MYO9B: variants seen among roughly 807,000 people sequenced by gnomAD.
MYO9B encodes unconventional myosin-IXb.
MYO9B carries 71 observed loss-of-function variants against 229.5 expected under a neutral mutation model. That is an observed-to-expected ratio of 0.31 (90% confidence interval 0.26 to 0.38). The LOEUF (loss-of-function observed/expected upper bound fraction) is 0.38. Among genes scored for constraint, MYO9B ranks in the 10% least tolerant of loss-of-function variants. The probability of loss-of-function intolerance (pLI) is 1.00; values close to 1 mark genes in which losing one functional copy is unlikely to be tolerated. For missense variants in MYO9B, 2,255 were observed against 2,920.5 expected (o/e 0.77, Z 5.25); for synonymous variants, 1,185 against 1,235.8 (o/e 0.96, Z 0.86).
At chr19:17,125,296 A>T (rs1244126852) in intron 2 of MYO9B, among the ~76,000 whole-genome samples, 1 of 42,536 alleles carries the variant, frequency 2.4e-5, no homozygotes, top group African/African-American at 1.2e-4. Context: ...GTAAAACCCC[A>T]TCCCCCCCCC....
At chr19:17,137,611 A>G (rs1310569521) in intron 2 of MYO9B, among the ~76,000 whole-genome samples, 1 of 151,998 alleles carries the variant, frequency 6.6e-6, no homozygotes, top group East Asian at 1.9e-4. Flanking sequence ...CATGACCCAA[A>G]CAGCCAGCTC....
chr19:17,137,404 A>AAACAAT (rs1555696818), intron 2 of MYO9B, among the ~76,000 whole-genome samples: 1 of 151,906 alleles, frequency 6.6e-6, no homozygotes, highest in East Asian at 1.9e-4. Context: ...TCCCTGTCTC[A>AAACAAT]AACAACAACA....
At chr19:17,137,099 G>C (rs1472918057) in intron 2 of MYO9B, among the ~76,000 whole-genome samples, 1 of 151,926 alleles carries the variant, frequency 6.6e-6, no homozygotes, top group Non-Finnish European at 1.5e-5. Flanking sequence ...GTGATGGCGC[G>C]TGCCTATAAT....
intron 18 of MYO9B, 34 bp downstream of exon 18, chr19:17,186,035 C>G: frequency 6.3e-7 from 1 of 1,588,798 alleles, no homozygotes; most frequent in South Asian, 1.1e-5. Context: ...GAGGAGAAGG[C>G]CCATGCCGGA....
chr19:17,108,186 T>C (rs1263621700), intron 2 of MYO9B, among the ~76,000 whole-genome samples: 1 of 152,336 alleles, frequency 6.6e-6, no homozygotes, highest in South Asian at 2.1e-4. Flanking sequence ...GCCAACCTGC[T>C]TGGGGCCTCA....
At chr19:17,152,214 TACC>T (rs1244867824) in intron 3 of MYO9B, among the ~76,000 whole-genome samples, 1 of 140,752 alleles carries the variant, frequency 7.1e-6, no homozygotes, top group Non-Finnish European at 1.5e-5. Flanking sequence ...CACAAGGACA[TACC>T]ACTGCTCACC....
intron 2 of MYO9B, among the ~76,000 whole-genome samples, chr19:17,129,444 C>A (rs1204370619): frequency 2.0e-5 from 3 of 152,140 alleles, no homozygotes; most frequent in Admixed American, 1.3e-4. Flanking sequence ...ATCAAGGCTC[C>A]GGGAAGTGAG....
At chr19:17,183,574 C>T (rs150852735) in intron 15 of MYO9B, among the ~76,000 whole-genome samples, 39 of 152,330 alleles carry the variant, frequency 2.6e-4, no homozygotes, top group African/African-American at 9.1e-4. Context: ...ACACTTTACT[C>T]AGCTTTGGGG....
At chr19:17,106,396 G>A (rs141805945) in intron 2 of MYO9B, among the ~76,000 whole-genome samples, 280 of 152,304 alleles carry the variant, frequency 1.8e-3, no homozygotes, top group African/African-American at 6.2e-3. Context: ...TTCTCCCCAG[G>A]TAGAACTCGG....
chr19:17,207,773 G>A (rs2073178805), intron 35 of MYO9B: 1 of 152,332 alleles, frequency 6.6e-6, no homozygotes, highest in African/African-American at 2.4e-5. Context: ...CACTTTGGGA[G>A]ACCGAGACGG....
chr19:17,200,856 G>A, intron 26 of MYO9B, 27 bp downstream of exon 26: 1 of 1,607,254 alleles, frequency 6.2e-7, no homozygotes, highest in Non-Finnish European at 8.5e-7. Flanking sequence ...AGGGCCAGGG[G>A]CATGAGGCCC....
At chr19:17,113,258 G>A (rs1397622614) in intron 2 of MYO9B, among the ~76,000 whole-genome samples, 1 of 152,168 alleles carries the variant, frequency 6.6e-6, no homozygotes, top group African/African-American at 2.4e-5. Flanking sequence ...CAGCAAGCTT[G>A]GGCTCAGGAG....
chr19:17,207,309 C>G, intron 35 of MYO9B, 65 bp downstream of exon 35: 1 of 1,541,948 alleles, frequency 6.5e-7, no homozygotes, highest in Non-Finnish European at 8.8e-7. Context: ...CACGACAGCT[C>G]CATCCATCCC....
intron 33 of MYO9B, 143 bp downstream of exon 33, chr19:17,206,519 C>A: frequency 2.2e-6 from 3 of 1,382,630 alleles, no homozygotes; most frequent in Non-Finnish European, 2.9e-6. Context: ...CAAACCGGGT[C>A]CCCAGTTTGG....
intron 2 of MYO9B, among the ~76,000 whole-genome samples, chr19:17,112,718 A>C (rs1275365972): frequency 1.3e-5 from 2 of 152,230 alleles, no homozygotes; most frequent in African/African-American, 4.8e-5. Context: ...TGCACCAGCC[A>C]CACAAAGAAT....
chr19:17,155,404 T>A (rs2072526103), intron 6 of MYO9B, among the ~76,000 whole-genome samples: 1 of 152,082 alleles, frequency 6.6e-6, no homozygotes, highest in African/African-American at 2.4e-5. Flanking sequence ...TAATTTTGAA[T>A]TCTTGGGCTC....
intron 19 of MYO9B, among the ~76,000 whole-genome samples, chr19:17,189,160 T>TG (rs1242220096): frequency 8.0e-6 from 1 of 125,672 alleles, no homozygotes; most frequent in Non-Finnish European, 1.7e-5. Context: ...AAACTCTGCC[T>TG]CAAAAAAAAA....
At chr19:17,168,086 A>C (rs781363564) in intron 11 of MYO9B, 22 bp downstream of exon 11, 1 of 1,610,290 alleles carries the variant, frequency 6.2e-7, no homozygotes, top group South Asian at 1.1e-5. Context: ...CACCCCGTCC[A>C]TCCCGGCACA....
chr19:17,208,495 G>A (rs1013223989), intron 35 of MYO9B, among the ~76,000 whole-genome samples: 1 of 150,558 alleles, frequency 6.6e-6, no homozygotes, highest in Non-Finnish European at 1.5e-5. Flanking sequence ...GCAGTGGCAC[G>A]ATCTCGGCTC....
Sources: gnomAD v4.1 joint callset for allele counts (sites outside exome capture counted in the v4.1 genomes callset) on GRCh38, gnomAD v4.1.1 for gene constraint, MANE v1.5 for transcripts, NCBI Gene and HGNC (gene_info 2026-07-23, HGNC 2026-07-21) for gene names.